STUM: variants seen among roughly 807,000 people sequenced by gnomAD.
STUM encodes the protein protein stum homolog.
In STUM, 8 loss-of-function variants were observed where a neutral mutation model predicts 15.3. The ratio of observed to expected loss-of-function variants is 0.52; its 90% CI spans 0.31 to 0.94. The LOEUF (loss-of-function observed/expected upper bound fraction) is 0.94. STUM is among the 40% of genes least tolerant of loss of function. STUM has a pLI of 0.05. For missense variants in STUM, 142 were observed against 204.9 expected (o/e 0.69, Z 1.87); for synonymous variants, 78 against 88.7 (o/e 0.88, Z 0.68).
intron 1 of STUM, among the ~76,000 whole-genome samples, chr1:226,561,909 G>A (rs1404656949): frequency 1.3e-5 from 2 of 150,486 alleles, no homozygotes; most frequent in Non-Finnish European, 2.9e-5. Flanking sequence ...ATTGCTAGGT[G>A]AAAGAACTCA....
Position 226,600,711 on chromosome 1 carries a change from T to C in STUM, c.391+37T>C. 6.2e-7 allele frequency: 1 copy of C among 1,608,284 alleles called. No individual in the cohort carries two copies. The highest frequency in any genetic ancestry group is 2.2e-5 in the East Asian group (1 of 44,880). Reference sequence around the variant, plus strand: ...GATGGACGTGCGGGCCTCGTGCTGCTGCTTGGGGCCCTCCCCTCCCCCGAG... The same window carrying C: ...GATGGACGTGCGGGCCTCGTGCTGCCGCTTGGGGCCCTCCCCTCCCCCGAG... On this transcript the variant is annotated intron_variant, in intron 3 of 3. Coordinates refer to ENST00000366788, the MANE Select transcript of STUM (RefSeq NM_001003665.4). This position sits in a 1 kb window ranked among gnomAD's most constrained non-coding sequence, Gnocchi z 5.2.
chr1:226,587,853 T>C (rs1668021079), intron 1 of STUM, among the ~76,000 whole-genome samples: 2 of 152,296 alleles, frequency 1.3e-5, no homozygotes. Flanking sequence ...AGGTGGGTTA[T>C]TGGCCACTGG....
chr1:226,559,145 T>A (rs912663024), intron 1 of STUM, among the ~76,000 whole-genome samples: 1 of 152,206 alleles, frequency 6.6e-6, no homozygotes, highest in African/African-American at 2.4e-5. Flanking sequence ...GAACCTGGAA[T>A]TTGTAGGGGC....
chr1:226,551,334 G>A (rs146750295), intron 1 of STUM, among the ~76,000 whole-genome samples: 4 of 152,360 alleles, frequency 2.6e-5, no homozygotes, highest in African/African-American at 9.6e-5. Context: ...TCCCATCTCT[G>A]GGTGGGGGTC....
At chr1:226,594,435 CT>C (rs1403144476) in intron 1 of STUM, among the ~76,000 whole-genome samples, 2 of 152,306 alleles carry the variant, frequency 1.3e-5, no homozygotes, top group Admixed American at 1.3e-4. Context: ...GGTCACCAGT[CT>C]TTTGGTCAAT....
chr1:226,578,648 C>A (rs565211152), intron 1 of STUM, among the ~76,000 whole-genome samples: 1 of 152,196 alleles, frequency 6.6e-6, no homozygotes, highest in Non-Finnish European at 1.5e-5. Context: ...CAGGCATGAG[C>A]CACTGCACCC....
intron 1 of STUM, among the ~76,000 whole-genome samples, chr1:226,551,152 A>G (rs1488417291): frequency 6.6e-6 from 1 of 151,962 alleles, no homozygotes; most frequent in Non-Finnish European, 1.5e-5. Context: ...CTCCACACGG[A>G]ATGAGGGATT....
At chr1:226,578,583 G>C (rs1220748758) in intron 1 of STUM, among the ~76,000 whole-genome samples, 3 of 152,056 alleles carry the variant, frequency 2.0e-5, no homozygotes, top group African/African-American at 7.3e-5. Context: ...GGCTGGTCTT[G>C]AACTCCTGGG....
chr1:226,577,565 G>A (rs1368023683), intron 1 of STUM, among the ~76,000 whole-genome samples: 1 of 152,100 alleles, frequency 6.6e-6, no homozygotes, highest in African/African-American at 2.4e-5. Flanking sequence ...ATGCACGCCA[G>A]GGACTGATGA....
chr1:226,598,704 ACTGGT>A (rs2102713071), intron 2 of STUM, among the ~76,000 whole-genome samples: 1 of 152,278 alleles, frequency 6.6e-6, no homozygotes, highest in South Asian at 2.1e-4. Flanking sequence ...TGGGGCACTA[ACTGGT>A]CTGCAGGATA....
At chr1:226,598,038 G>C (rs1668211608) in intron 2 of STUM, among the ~76,000 whole-genome samples, 2 of 152,234 alleles carry the variant, frequency 1.3e-5, no homozygotes, top group African/African-American at 4.8e-5. Flanking sequence ...GGGCTGCCCT[G>C]TCAGAGGAAT....
intron 1 of STUM, among the ~76,000 whole-genome samples, chr1:226,566,949 G>A (rs189621275): frequency 2.6e-5 from 4 of 152,202 alleles, no homozygotes; most frequent in Non-Finnish European, 4.4e-5. Context: ...TGCAGTGTTG[G>A]GGGGAAGGTA....
intron 1 of STUM, among the ~76,000 whole-genome samples, chr1:226,568,060 C>G (rs1667651442): frequency 6.6e-6 from 1 of 152,152 alleles, no homozygotes; most frequent in African/African-American, 2.4e-5. Context: ...GTGCCTAAGA[C>G]AAGTGCACAT....
intron 1 of STUM, among the ~76,000 whole-genome samples, chr1:226,570,571 C>T (rs1295380582): frequency 6.6e-6 from 1 of 152,216 alleles, no homozygotes; most frequent in Admixed American, 6.5e-5. Flanking sequence ...AGGGGCCAAG[C>T]CACCTCCCTC....
intron 1 of STUM, among the ~76,000 whole-genome samples, chr1:226,575,803 CA>C (rs1288045169): frequency 6.6e-6 from 1 of 152,220 alleles, no homozygotes; most frequent in Middle Eastern, 3.2e-3. Context: ...AACTGCACGC[CA>C]ATAGATAGTC....
Position 226,604,116 on chromosome 1 carries a change from G to A in STUM, c.*2076G>A, listed in dbSNP as rs1668317148. On this transcript the variant is annotated 3_prime_UTR_variant, in exon 4 of 4. Coordinates refer to ENST00000366788, the MANE Select transcript of STUM (RefSeq NM_001003665.4). The surrounding 1 kb of genome is among the most constrained non-coding windows in gnomAD (Gnocchi z 4.7). ...CCAGAGTTTGCCCGACACCCCCTGAGTGATGACAGGTCTCAGGAGGGGGCC... is the reference window on the plus strand; with the variant it reads ...CCAGAGTTTGCCCGACACCCCCTGAATGATGACAGGTCTCAGGAGGGGGCC... 6.6e-6 allele frequency: 1 copy of A among 152,194 alleles called. No homozygotes were observed. The highest frequency in any genetic ancestry group is 2.4e-5 in the African/African-American group (1 of 41,440). The allele number at this position is 152,194 out of a possible 1,614,324, so 9.4% of individuals were successfully genotyped here.
intron 1 of STUM, among the ~76,000 whole-genome samples, chr1:226,573,167 CA>C (rs1200569949): frequency 3.9e-5 from 6 of 152,214 alleles, no homozygotes; most frequent in Non-Finnish European, 7.3e-5. Context: ...GCAGATTTTC[CA>C]AAGTGGTGCA....
chr1:226,555,559 T>C (rs1360404018), intron 1 of STUM, among the ~76,000 whole-genome samples: 1 of 152,240 alleles, frequency 6.6e-6, no homozygotes, highest in East Asian at 1.9e-4. Context: ...TGGTCTGCTT[T>C]CCAAGCCTGA....
At chr1:226,553,869 A>G (rs926456059) in intron 1 of STUM, among the ~76,000 whole-genome samples, 1 of 152,272 alleles carries the variant, frequency 6.6e-6, no homozygotes, top group Non-Finnish European at 1.5e-5. Context: ...AGGAGTACGT[A>G]AAGAGTTTCT....
Sources: allele counts gnomAD v4.1 joint callset (sites outside exome capture counted in the v4.1 genomes callset), GRCh38; gene constraint gnomAD v4.1.1; non-coding constraint Gnocchi (gnomAD v3.1); transcripts MANE v1.5; gene names NCBI Gene and HGNC (gene_info 2026-07-23, HGNC 2026-07-21).